TUSC3: variants seen among roughly 807,000 people sequenced by gnomAD.
The protein encoded by TUSC3 is dolichyl-diphosphooligosaccharide--protein glycosyltransferase subunit TUSC3.
TUSC3 carries 45 observed loss-of-function variants against 44.8 expected under a neutral mutation model. That is an observed-to-expected ratio of 1.00 (90% CI 0.79 to 1.29). TUSC3 has a LOEUF of 1.29. Among genes scored for constraint, TUSC3 ranks in the 50% most tolerant of loss-of-function variants. TUSC3 has a pLI of 0.00. For missense variants in TUSC3, 519 were observed against 437.9 expected, an observed-to-expected ratio of 1.19 and a Z score of -1.65; for synonymous variants, 212 against 152.9, an observed-to-expected ratio of 1.39 and a Z score of -2.85.
chr8:15,784,631 G>A, the TUSC3 span, among the ~76,000 whole-genome samples: 3 of 151,920 alleles, frequency 2.0e-5, no homozygotes, highest in Admixed American at 6.6e-5. Context: ...TGAATCTAGA[G>A]GACATTATGC....
intron 5 of TUSC3, among the ~76,000 whole-genome samples, chr8:15,670,133 C>T (rs78351072): frequency 0.023 from 3,433 of 151,726 alleles, 123 homozygotes; most frequent in African/African-American, 0.077. Context: ...GCAGGTAAAC[C>T]TGATAATGGA....
chr8:15,571,773 C>T (rs1284867718), intron 1 of TUSC3, among the ~76,000 whole-genome samples: 1 of 152,190 alleles, frequency 6.6e-6, no homozygotes, highest in Non-Finnish European at 1.5e-5. Flanking sequence ...TGCCACTGCT[C>T]TATCAACTAA....
the TUSC3 span, among the ~76,000 whole-genome samples, chr8:15,848,242 G>A: frequency 6.6e-6 from 1 of 152,196 alleles, no homozygotes; most frequent in East Asian, 1.9e-4. Flanking sequence ...GTGTAGGACA[G>A]TTCCCCAGGT....
At chr8:15,562,134 T>G (rs923177478) in intron 1 of TUSC3, among the ~76,000 whole-genome samples, 1 of 152,146 alleles carries the variant, frequency 6.6e-6, no homozygotes, top group African/African-American at 2.4e-5. Flanking sequence ...ATCTTGGAGA[T>G]AAGAACTTCC....
At chr8:15,807,581 C>T in the TUSC3 span, among the ~76,000 whole-genome samples, 1 of 152,136 alleles carries the variant, frequency 6.6e-6, no homozygotes, top group African/African-American at 2.4e-5. Context: ...ATGTTCATAA[C>T]AGTGCTGTTT....
rs141262376 is a variant in TUSC3 at position 15,603,634 on chromosome 8, TA to T, written c.139-19444del. ...GTAATATTTTTATGAAGAAATTTTA[TA>T]ACAAGAATTTAGTGACAGGTCTGAT... On this transcript the variant is annotated intron_variant, in intron 1 of 10. Transcript: ENST00000503731. Among the ~76,000 whole-genome samples, 676 of 151,754 alleles carry T rather than the reference TA, an allele frequency of 4.5e-3. 3 individuals carry two copies. The highest frequency in any genetic ancestry group is 0.016 in the African/African-American group (651 of 41,516).
At chr8:15,837,271 T>C in the TUSC3 span, among the ~76,000 whole-genome samples, 2 of 152,152 alleles carry the variant, frequency 1.3e-5, no homozygotes, top group African/African-American at 4.8e-5. Context: ...TCATTCAGTT[T>C]TTTCTTATGG....
chr8:15,621,770 T>A (rs1805257248), intron 1 of TUSC3, among the ~76,000 whole-genome samples: 1 of 142,064 alleles, frequency 7.0e-6, no homozygotes, highest in Non-Finnish European at 1.6e-5. Context: ...TGTGGCAAAA[T>A]TGGGTCTTTT....
At chr8:15,760,582 TGG>T (rs1812131017) in intron 10 of TUSC3, among the ~76,000 whole-genome samples, 1 of 151,962 alleles carries the variant, frequency 6.6e-6, no homozygotes, top group Non-Finnish European at 1.5e-5. Context: ...CATTGGGGGG[TGG>T]GACGTCAACA....
At chr8:15,572,072 G>C (rs1350425067) in intron 1 of TUSC3, among the ~76,000 whole-genome samples, 1 of 152,098 alleles carries the variant, frequency 6.6e-6, no homozygotes, top group Admixed American at 6.6e-5. Flanking sequence ...AGCTGCATTA[G>C]CCCCTACCAA....
At chr8:15,597,778 T>G (rs1563125843) in intron 1 of TUSC3, among the ~76,000 whole-genome samples, 1 of 152,068 alleles carries the variant, frequency 6.6e-6, no homozygotes, top group Non-Finnish European at 1.5e-5. Flanking sequence ...AGTCTTAATT[T>G]CTTGACCTCT....
At chr8:15,851,661 A>T in the TUSC3 span, among the ~76,000 whole-genome samples, 1 of 152,322 alleles carries the variant, frequency 6.6e-6, no homozygotes, top group African/African-American at 2.4e-5. Context: ...ACCGCTGCTC[A>T]GATCAAGGTT....
chr8:15,561,928 C>T (rs78912711), intron 1 of TUSC3, among the ~76,000 whole-genome samples: 8 of 152,150 alleles, frequency 5.3e-5, no homozygotes, highest in South Asian at 2.1e-4. Context: ...GAGATGAACC[C>T]GGTACCTCAG....
At chr8:15,770,516 A>G (rs1687654066), downstream of TUSC3, among the ~76,000 whole-genome samples, 1 of 152,200 alleles carries the variant, frequency 6.6e-6, no homozygotes, top group Non-Finnish European at 1.5e-5. Context: ...TGTAACCTGC[A>G]TGTTTTGCAC....
At chr8:15,506,592 A>T (rs1325147358) in intron 2 of TUSC3, among the ~76,000 whole-genome samples, 1 of 152,140 alleles carries the variant, frequency 6.6e-6, no homozygotes, top group Non-Finnish European at 1.5e-5. Flanking sequence ...GAGGCAAGGG[A>T]GGAGCAAAGA....
At chr8:15,689,294 C>T in intron 6 of TUSC3, 1 of 323,330 alleles carries the variant, frequency 3.1e-6, no homozygotes. Flanking sequence ...GTCTCTTGGA[C>T]CATTACTTTC....
the TUSC3 span, among the ~76,000 whole-genome samples, chr8:15,773,408 A>G: frequency 6.6e-6 from 1 of 152,294 alleles, no homozygotes; most frequent in Non-Finnish European, 1.5e-5. Context: ...GATTTAACCA[A>G]GGAACTAAAA....
intron 5 of TUSC3, among the ~76,000 whole-genome samples, chr8:15,672,568 G>C (rs354514): frequency 0.8 from 122,281 of 151,976 alleles, 49,496 homozygotes; most frequent in Non-Finnish European, 0.84. Context: ...CCATTCCCAA[G>C]TATTATGATA....
chr8:15,556,316 C>T (rs2129138378), intron 1 of TUSC3, among the ~76,000 whole-genome samples: 1 of 150,278 alleles, frequency 6.7e-6, no homozygotes, highest in Middle Eastern at 3.5e-3. Flanking sequence ...ATCCATGTCC[C>T]TACAAAGGAC....
Sources: gnomAD v4.1 joint callset for allele counts (sites outside exome capture counted in the v4.1 genomes callset) on GRCh38, gnomAD v4.1.1 for gene constraint, MANE v1.5 for transcripts, NCBI Gene and HGNC (gene_info 2026-07-23, HGNC 2026-07-21) for gene names.